Variants in CMPK1 observed in about 807,000 individuals in gnomAD.
CMPK1 encodes the protein UMP-CMP kinase.
A neutral mutation model predicts 25.7 loss-of-function variants in CMPK1; 10 were observed. The observed-to-expected ratio is 0.39, with a 90% CI of 0.24 to 0.66. The LOEUF is 0.66. Among genes scored for constraint, CMPK1 ranks in the 30% least tolerant of loss-of-function variants. The pLI, the probability that CMPK1 is intolerant of heterozygous loss-of-function variation, is 0.48. For synonymous variants in CMPK1, 106 were observed against 101.5 expected (o/e 1.04, Z -0.27); for missense variants, 199 against 280.5 (o/e 0.71, Z 2.08).
chr1:47,345,493 T>TGTC lies in CMPK1; in HGVS notation c.171+11377_171+11378insGTC, dbSNP rs750231588. ...TAGGAGAAAAAAAGTAGCAATTTAA[T>TGTC]TTCTTTTTTTTTTTTTTTGAGACAG... On this transcript the variant is annotated intron_variant, in intron 1 of 5. Coordinates refer to ENST00000371873, the MANE Select transcript of CMPK1 (RefSeq NM_016308.3). 9.2e-3 allele frequency among the ~76,000 whole-genome samples: 1,253 copies of TGTC among 136,372 alleles called. 21 individuals carry two copies. The highest frequency in any genetic ancestry group is 0.013 in the Non-Finnish European group (805 of 61,032). The allele number at this position is 136,372 out of a possible 152,430, so 89.5% of individuals were successfully genotyped here.
intron 1 of CMPK1, among the ~76,000 whole-genome samples, chr1:47,354,804 C>T (rs1467349458): frequency 1.3e-5 from 2 of 152,010 alleles, no homozygotes; most frequent in African/African-American, 4.8e-5. Context: ...TCTTTGTGCA[C>T]ATGTGCAACA....
intron 1 of CMPK1, among the ~76,000 whole-genome samples, chr1:47,362,149 C>T (rs1387860951): frequency 7.2e-6 from 1 of 139,480 alleles, no homozygotes; most frequent in Non-Finnish European, 1.5e-5. Context: ...GGATTATAGG[C>T]GTGAGCCACA....
intron 1 of CMPK1, among the ~76,000 whole-genome samples, chr1:47,353,123 A>G (rs957846381): frequency 2.0e-5 from 3 of 152,226 alleles, no homozygotes; most frequent in Admixed American, 1.3e-4. Context: ...AAGTGCTCCA[A>G]TGGGTTATTT....
intron 1 of CMPK1, among the ~76,000 whole-genome samples, chr1:47,357,548 G>C (rs1034149000): frequency 6.7e-6 from 1 of 148,738 alleles, no homozygotes; most frequent in African/African-American, 2.5e-5. Flanking sequence ...GCGGTGGTGT[G>C]ATCTCAGCTC....
At chr1:47,376,180 T>C (rs1366181215) in intron 5 of CMPK1, among the ~76,000 whole-genome samples, 2 of 151,872 alleles carry the variant, frequency 1.3e-5, no homozygotes, top group Non-Finnish European at 2.9e-5. Context: ...ATTTATATAA[T>C]ATTACTGTCT....
intron 1 of CMPK1, among the ~76,000 whole-genome samples, chr1:47,354,141 T>C (rs1162386404): frequency 6.6e-6 from 1 of 151,998 alleles, no homozygotes; most frequent in African/African-American, 2.4e-5. Context: ...TTAGACAACA[T>C]AGTGAACCCC....
intron 1 of CMPK1, chr1:47,358,204 TG>T: frequency 2.3e-6 from 1 of 434,364 alleles, no homozygotes; most frequent in South Asian, 1.6e-5. Flanking sequence ...CTCTAACTCC[TG>T]GGGCTCAAGC....
chr1:47,374,745 CAT>C lies in CMPK1; in HGVS notation c.472-163_472-162del, dbSNP rs3835609. On this transcript the variant is annotated intron_variant, in intron 3 of 5. Coordinates refer to ENST00000371873, the MANE Select transcript of CMPK1 (RefSeq NM_016308.3). ...AACCTAGTTTATATAAATTGAACCA[CAT>C]GTTTACGTTTAAAAGGACTTTGCAT... is the stretch of plus-strand genomic sequence containing the variant. Among the ~76,000 whole-genome samples, 794 of 152,226 alleles carry C rather than the reference CAT, an allele frequency of 5.2e-3. 2 individuals carry two copies. Among genetic ancestry groups the C allele is most frequent in the East Asian group, 0.031 (158 of 5,176 alleles).
intron 1 of CMPK1, among the ~76,000 whole-genome samples, chr1:47,357,981 G>C (rs1446309502): frequency 6.6e-6 from 1 of 151,520 alleles, no homozygotes; most frequent in Non-Finnish European, 1.5e-5. Context: ...TGGTATTTCT[G>C]TTCCTCTATC....
At chr1:47,342,196 C>T (rs533375067) in intron 1 of CMPK1, among the ~76,000 whole-genome samples, 2 of 152,220 alleles carry the variant, frequency 1.3e-5, no homozygotes, top group South Asian at 2.1e-4. Context: ...ATTCTCTTGC[C>T]TCAGCCTCCC....
intron 1 of CMPK1, among the ~76,000 whole-genome samples, chr1:47,337,055 C>T (rs991936055): frequency 2.0e-5 from 3 of 152,138 alleles, no homozygotes; most frequent in East Asian, 1.9e-4. Flanking sequence ...GAGGCCCAGG[C>T]GGGTGGATCA....
intron 1 of CMPK1, among the ~76,000 whole-genome samples, chr1:47,359,553 A>C (rs1646587759): frequency 6.6e-6 from 1 of 150,816 alleles, no homozygotes; most frequent in Non-Finnish European, 1.5e-5. Context: ...ACGCCTGGCT[A>C]ATTTTTTTGT....
At chr1:47,365,418 G>T (rs1335282105) in intron 1 of CMPK1, among the ~76,000 whole-genome samples, 2 of 151,918 alleles carry the variant, frequency 1.3e-5, no homozygotes, top group Non-Finnish European at 2.9e-5. Flanking sequence ...TGGATTGCTT[G>T]AGCCCAGGAG....
chr1:47,375,841 T>C (rs1322732752), intron 5 of CMPK1, among the ~76,000 whole-genome samples: 7 of 152,184 alleles, frequency 4.6e-5, no homozygotes, highest in South Asian at 4.1e-4. Context: ...AAATTTCTAG[T>C]GTCTCTTAAG....
At chr1:47,337,860 C>T (rs1646410753) in intron 1 of CMPK1, among the ~76,000 whole-genome samples, 2 of 152,276 alleles carry the variant, frequency 1.3e-5, no homozygotes, top group Middle Eastern at 3.4e-3. Flanking sequence ...ATCCACCCAC[C>T]TTGGCCTCCC....
At chr1:47,353,503 T>A (rs1646536652) in intron 1 of CMPK1, among the ~76,000 whole-genome samples, 1 of 152,216 alleles carries the variant, frequency 6.6e-6, no homozygotes, top group African/African-American at 2.4e-5. Flanking sequence ...CACCAATATG[T>A]CTCCAGAGCT....
intron 1 of CMPK1, among the ~76,000 whole-genome samples, chr1:47,359,807 C>T (rs1646589570): frequency 6.6e-6 from 1 of 152,102 alleles, no homozygotes; most frequent in African/African-American, 2.4e-5. Context: ...CCACCACACC[C>T]AGCCTGAAAC....
In CMPK1 at chr1:47,368,520, A is replaced by C. The variant is rs141304390; in HGVS notation, c.223A>C (p.Lys75Gln). 1 of 1,613,518 alleles carries C rather than the reference A, an allele frequency of 6.2e-7. No individual in the cohort carries two copies. Among genetic ancestry groups the C allele is most frequent in the African/African-American group, 1.3e-5 (1 of 75,040 alleles). ...AGGAGAGCTGCTTCGTGATGAAAGG[A>C]AGAACCCAGATTCACAGTATGGTGA... ...SAGELLRDER[K>Q]NPDSQYGELI... is the part of the protein sequence containing the mutation. Residue 75 changes from lysine to glutamine, a missense_variant, in exon 2 of 6, where the codon AAG becomes CAG. This residue lies in a region of CMPK1 where 140 missense variants were observed against 235.5 expected (regional missense o/e 0.59). Transcript: ENST00000371873.
At chr1:47,370,096 T>A (rs1375127100) in intron 2 of CMPK1, among the ~76,000 whole-genome samples, 2 of 151,170 alleles carry the variant, frequency 1.3e-5, no homozygotes, top group African/African-American at 4.9e-5. Flanking sequence ...TTGTGTATTT[T>A]TTAGTAGAGA....
Sources: allele counts gnomAD v4.1 joint callset (sites outside exome capture counted in the v4.1 genomes callset), GRCh38; gene constraint gnomAD v4.1.1; regional missense constraint gnomAD v4.1.1; transcripts MANE v1.5; gene names NCBI Gene and HGNC (gene_info 2026-07-23, HGNC 2026-07-21).